The following CTNND2 variants were observed in gnomAD, a reference collection of about 807,000 sequenced individuals.
CTNND2 encodes catenin delta 2.
Under a neutral mutation model 144.4 loss-of-function variants are expected in CTNND2, and 22 were observed. The observed-to-expected ratio is 0.15, with a 90% CI of 0.11 to 0.22. The LOEUF (loss-of-function observed/expected upper bound fraction) is 0.22. CTNND2 is among the 10% of genes least tolerant of loss of function. The probability of loss-of-function intolerance (pLI) is 1.00; values close to 1 mark genes in which losing one functional copy is unlikely to be tolerated. For missense variants in CTNND2, 1,353 were observed against 1,618.8 expected (o/e 0.84, Z 2.82); for synonymous variants, 751 against 695.6 (o/e 1.08, Z -1.25).
At chr5:11,428,717 G>A (rs374440357) in intron 3 of CTNND2, among the ~76,000 whole-genome samples, 14 of 152,228 alleles carry the variant, frequency 9.2e-5, no homozygotes, top group African/African-American at 3.1e-4. Flanking sequence ...CATTTATTTC[G>A]CTGAATCTTG....
chr5:11,310,656 C>G (rs1750699274), intron 9 of CTNND2, among the ~76,000 whole-genome samples: 1 of 151,774 alleles, frequency 6.6e-6, no homozygotes. Flanking sequence ...ACCGACCTCT[C>G]CTCTTTCTCT....
chr5:11,805,022 T>A (rs1791913719), intron 1 of CTNND2, among the ~76,000 whole-genome samples: 1 of 152,176 alleles, frequency 6.6e-6, no homozygotes, highest in Non-Finnish European at 1.5e-5. Flanking sequence ...CATTGTGATT[T>A]AATCAATGAT....
chr5:11,731,960 AC>A (rs1787411359), intron 2 of CTNND2, among the ~76,000 whole-genome samples, 175 bp downstream of exon 2: 1 of 152,146 alleles, frequency 6.6e-6, no homozygotes, highest in Non-Finnish European at 1.5e-5. Flanking sequence ...GCTGCCCAAA[AC>A]ATGGAGTCAA....
chr5:11,834,367 A>G (rs1794061886), intron 1 of CTNND2, among the ~76,000 whole-genome samples: 1 of 152,188 alleles, frequency 6.6e-6, no homozygotes, highest in African/African-American at 2.4e-5. Flanking sequence ...TCTTCCCTAG[A>G]TAACATAACA....
At chr5:11,408,868 A>G (rs1193973705) in intron 5 of CTNND2, among the ~76,000 whole-genome samples, 1 of 152,010 alleles carries the variant, frequency 6.6e-6, no homozygotes, top group African/African-American at 2.4e-5. Flanking sequence ...AGAAAAAAAT[A>G]TCATCTATTT....
chr5:11,129,540 T>G (rs2149716004), intron 12 of CTNND2, among the ~76,000 whole-genome samples: 1 of 151,078 alleles, frequency 6.6e-6, no homozygotes, highest in South Asian at 2.1e-4. Flanking sequence ...GCCCTATCTC[T>G]GATCTCATCA....
intron 1 of CTNND2, among the ~76,000 whole-genome samples, chr5:11,760,006 A>T (rs1002019382): frequency 1.4e-5 from 2 of 146,868 alleles, no homozygotes; most frequent in African/African-American, 5.0e-5. Context: ...TTCATGGACC[A>T]CATACTTTGC....
intron 7 of CTNND2, among the ~76,000 whole-genome samples, chr5:11,378,906 T>G (rs888393863): frequency 6.6e-5 from 10 of 152,166 alleles, no homozygotes; most frequent in Non-Finnish European, 1.3e-4. Context: ...AATACTGAAT[T>G]TTATGTCCAT....
chr5:11,193,357 TTTGG>T (rs1471278330), intron 11 of CTNND2, among the ~76,000 whole-genome samples: 1 of 152,180 alleles, frequency 6.6e-6, no homozygotes, highest in Non-Finnish European at 1.5e-5. Flanking sequence ...GAATTTGATA[TTTGG>T]TAGGGTTTAT....
intron 12 of CTNND2, among the ~76,000 whole-genome samples, chr5:11,121,068 GAAGTC>G (rs1301016493): frequency 6.6e-6 from 1 of 152,208 alleles, no homozygotes; most frequent in African/African-American, 2.4e-5. Context: ...ATGTTAAGGT[GAAGTC>G]ATGTCAGCTT....
rs186953463 is a variant in CTNND2 at position 11,449,259 on chromosome 5, G to A, written c.288-37190C>T. ...ATAAATGTCTATAAGAGAAACCTAC[G>A]CTTTTGTCTCACTAGCATTTCATTG... On this transcript the variant is annotated intron_variant, in intron 3 of 21. Coordinates refer to ENST00000304623, the MANE Select transcript of CTNND2 (RefSeq NM_001332.4). 2.1e-3 allele frequency among the ~76,000 whole-genome samples: 313 copies of A among 152,176 alleles called. 2 individuals carry two copies. The highest frequency in any genetic ancestry group is 8.7e-3 in the South Asian group (42 of 4,820).
chr5:11,141,017 T>G (rs1436201699), intron 12 of CTNND2, among the ~76,000 whole-genome samples: 2 of 152,144 alleles, frequency 1.3e-5, no homozygotes, highest in Non-Finnish European at 2.9e-5. Context: ...TGCAGTGGCA[T>G]AATCAGGGCT....
At chr5:11,525,918 G>A (rs912800598) in intron 3 of CTNND2, among the ~76,000 whole-genome samples, 3 of 152,146 alleles carry the variant, frequency 2.0e-5, no homozygotes, top group South Asian at 2.1e-4. Flanking sequence ...TTGTTTGTTC[G>A]TTTTGAGGCA....
intron 16 of CTNND2, among the ~76,000 whole-genome samples, chr5:11,038,878 T>C (rs752127312): frequency 6.6e-6 from 1 of 152,190 alleles, no homozygotes; most frequent in Non-Finnish European, 1.5e-5. Flanking sequence ...ATCAAATTAA[T>C]GATCACAAAT....
chr5:11,770,908 G>C (rs1306778275), intron 1 of CTNND2, among the ~76,000 whole-genome samples: 1 of 152,014 alleles, frequency 6.6e-6, no homozygotes, highest in Non-Finnish European at 1.5e-5. Context: ...AAAGGAGGGG[G>C]GGACTAGTTT....
intron 1 of CTNND2, among the ~76,000 whole-genome samples, chr5:11,883,846 T>C (rs1417938346): frequency 6.6e-6 from 1 of 152,208 alleles, no homozygotes; most frequent in African/African-American, 2.4e-5. Context: ...GCATCTGTTG[T>C]TTCCTGACTT....
intron 9 of CTNND2, among the ~76,000 whole-genome samples, chr5:11,281,387 A>G (rs571764046): frequency 1.3e-5 from 2 of 152,352 alleles, no homozygotes; most frequent in South Asian, 2.1e-4. Flanking sequence ...TGTTAGTGCT[A>G]CTGAAAGCAA....
At chr5:11,634,200 TTGTC>T (rs1182408511) in intron 2 of CTNND2, among the ~76,000 whole-genome samples, 13 of 152,300 alleles carry the variant, frequency 8.5e-5, no homozygotes, top group African/African-American at 2.6e-4. Context: ...ACCCTTTTCT[TTGTC>T]TGGTTGTACA....
intron 18 of CTNND2, among the ~76,000 whole-genome samples, chr5:10,994,980 T>C (rs1206606131): frequency 2.0e-5 from 3 of 151,242 alleles, no homozygotes; most frequent in Non-Finnish European, 4.4e-5. Flanking sequence ...GGGCCTGAGG[T>C]CCCCTTCACT....
Sources: allele counts gnomAD v4.1 joint callset (sites outside exome capture counted in the v4.1 genomes callset), GRCh38; gene constraint gnomAD v4.1.1; transcripts MANE v1.5; gene names NCBI Gene and HGNC (gene_info 2026-07-23, HGNC 2026-07-21).